Variants in ACADVL observed in about 807,000 individuals in gnomAD.
The protein encoded by ACADVL is acyl-CoA dehydrogenase very long chain.
Under a neutral mutation model 80.4 loss-of-function variants are expected in ACADVL, and 73 were observed. The ratio of observed to expected loss-of-function variants is 0.91; its 90% CI spans 0.75 to 1.10. The LOEUF (loss-of-function observed/expected upper bound fraction) is 1.10, where lower values mean the gene tolerates loss of function less well. ACADVL is among the 50% of genes least tolerant of loss of function. The pLI, the probability that ACADVL is intolerant of heterozygous loss-of-function variation, is 0.00. For missense variants in ACADVL, 878 were observed against 858.9 expected (o/e 1.02, Z -0.28); for synonymous variants, 392 against 326.5 (o/e 1.20, Z -2.16).
chr17:7,224,111 G>A (rs1304263733), intron 14 of ACADVL, 35 bp from the exon 15 acceptor site: 1 of 1,613,612 alleles, frequency 6.2e-7, no homozygotes, highest in South Asian at 1.1e-5. Flanking sequence ...GGGGAGGACA[G>A]TGAGTCCTGA....
upstream of ACADVL, chr17:7,218,918 A>T: frequency 6.4e-7 from 1 of 1,563,000 alleles, no homozygotes; most frequent in African/African-American, 1.4e-5. Flanking sequence ...TCCCCACTAA[A>T]TTCCAGCTGT....
At position 7,222,690 on chromosome 17, in the gene ACADVL, G is replaced by A; in HGVS notation, c.902G>A (p.Gly301Asp). 6.2e-7 allele frequency: 1 copy of A among 1,613,974 alleles called. No homozygotes were observed. The highest frequency in any genetic ancestry group is 1.3e-5 in the African/African-American group (1 of 75,010). Residue 301 changes from glycine to aspartate, a missense_variant, in exon 10 of 20, where the codon GGC becomes GAC. Coordinates refer to ENST00000356839, the MANE Select transcript of ACADVL (RefSeq NM_000018.4). The part of the protein sequence containing the change: ...ITHGPPEKKM[G>D]IKASNTAEVF... Reference sequence around the variant, plus strand: ...AGTGGGCCCCCTGAGAAGAAGATGGGCATCAAGGCTTCAAACACAGCAGAG... The same window carrying A: ...AGTGGGCCCCCTGAGAAGAAGATGGACATCAAGGCTTCAAACACAGCAGAG...
upstream of ACADVL, chr17:7,219,766 T>A: frequency 6.8e-7 from 1 of 1,479,386 alleles, no homozygotes; most frequent in Non-Finnish European, 9.0e-7. Context: ...TTAAGGAGTT[T>A]GGGGGAGACG....
chr17:7,219,983 A>C lies in ACADVL; in HGVS notation c.-2A>C. The C allele has an allele frequency of 6.2e-7, 1 of 1,602,190 alleles. No individual in the cohort carries two copies. On this transcript the variant is annotated 5_prime_UTR_variant, in exon 1 of 20. Coordinates refer to ENST00000356839, the MANE Select transcript of ACADVL (RefSeq NM_000018.4). The stretch of plus-strand genomic sequence containing the variant: ...GCCAGCGGCGCCCGGAGAGATTCGG[A>C]GATGCAGGCGGCTCGGATGGCCGCG...
chr17:7,221,024 G>C lies in ACADVL; in HGVS notation c.443G>C (p.Ser148Thr), dbSNP rs1470817106. The change falls in exon 6 of 20, where the codon AGT (serine) becomes ACT (threonine). Residue 148 changes from serine to threonine, a missense_variant. Physicochemically the swap from Ser to Thr is moderately conservative, Grantham distance 58 (BLOSUM62 1). Transcript: ENST00000356839. ...GGGGCCTTTGGTCTGCAAGTGCCCA[G>C]TGAGCTGGGTGGTGTGGGCCTTTGC... The part of the protein sequence containing the change: ...ELGAFGLQVP[S>T]ELGGVGLCNT... The C allele has an allele frequency of 1.9e-6, 3 of 1,613,892 alleles. No individual in the cohort carries two copies. The highest frequency in any genetic ancestry group is 2.5e-6 in the Non-Finnish European group (3 of 1,179,992).
chr17:7,223,960 T>TGTGCTAGGAACCTGGAGTAGAGC lies in ACADVL; in HGVS notation c.1333-4_1351dup. The TGTGCTAGGAACCTGGAGTAGAGC allele has an allele frequency of 6.2e-7, 1 of 1,613,996 alleles. No individual in the cohort carries two copies. Among genetic ancestry groups the TGTGCTAGGAACCTGGAGTAGAGC allele is most frequent in the Non-Finnish European group, 8.5e-7 (1 of 1,179,986 alleles). On this transcript the variant is annotated splice_polypyrimidine_tract_variant and splice_region_variant and intron_variant, in intron 13 of 19. Transcript: ENST00000356839. ...CACGGGCATATAATTTGTGTGGCCC[T>TGTGCTAGGAACCTGGAGTAGAGC]GTGCTAGGAACCTGGAGTAGAGCGT...
Position 7,224,440 on chromosome 17 carries a change from G to A in ACADVL, c.1606-40G>A, listed in dbSNP as rs754515750. Reference sequence around the variant, plus strand: ...AGAGCCTGCATCAGGGACTGCAGCCGATGGCCCCTCTGAGCCCCGCACTGT... The same window carrying A: ...AGAGCCTGCATCAGGGACTGCAGCCAATGGCCCCTCTGAGCCCCGCACTGT... On this transcript the variant is annotated intron_variant, in intron 16 of 19. Coordinates refer to ENST00000356839, the MANE Select transcript of ACADVL (RefSeq NM_000018.4). 98 of 1,613,660 alleles carry A rather than the reference G, an allele frequency of 6.1e-5. No homozygotes were observed. Among genetic ancestry groups the A allele is most frequent in the Admixed American group, 1.3e-4 (8 of 59,968 alleles).
At position 7,225,159 on chromosome 17, in the gene ACADVL, T is replaced by C. The variant is rs1211206309; in HGVS notation, c.*62T>C. ...TCCCTCAAGCCAAAGCCGAAGCCCC[T>C]TTCCTTAAGGCCCTGGTTTGTCCCG... On this transcript the variant is annotated 3_prime_UTR_variant, in exon 20 of 20. Transcript: ENST00000356839. 5 of 1,610,380 alleles carry C rather than the reference T, an allele frequency of 3.1e-6. No homozygotes were observed. The highest frequency in any genetic ancestry group is 1.3e-5 in the African/African-American group (1 of 74,896).
upstream of ACADVL, chr17:7,217,738 G>A (rs1268782664): frequency 2.6e-6 from 4 of 1,535,164 alleles, no homozygotes; most frequent in African/African-American, 2.7e-5. Context: ...TGGGAAAGGA[G>A]ATAGAAGCAG....
chr17:7,217,923 G>T, upstream of ACADVL: 4 of 1,112,336 alleles, frequency 3.6e-6, no homozygotes, highest in Non-Finnish European at 5.2e-6. Flanking sequence ...GTAGGGGGTC[G>T]GGTGTGAGGG....
chr17:7,218,466 T>C (rs2521985), upstream of ACADVL: 944,063 of 1,458,246 alleles, frequency 0.65, 307,608 homozygotes, highest in African/African-American at 0.8. Flanking sequence ...AAATGATCTC[T>C]GGGCTCCCAA....
rs552403474 is a variant in ACADVL at position 7,221,734 on chromosome 17, C to G, written c.622+52C>G. The G allele has an allele frequency of 6.1e-5, 98 of 1,611,880 alleles. No individual in the cohort carries two copies. The East Asian group carries it at 2.2e-3, about 36-fold the overall frequency. On this transcript the variant is annotated intron_variant, in intron 7 of 19. Transcript: ENST00000356839. The stretch of plus-strand genomic sequence containing the variant: ...ATTGGGGGGCACACTGGGCTTGGCA[C>G]AGATTAGGCCAGTTGGCACTTAGAT...
At chr17:7,221,353 G>T (rs1437265331) in intron 6 of ACADVL, 185 bp from the exon 7 acceptor site, 2 of 1,094,384 alleles carry the variant, frequency 1.8e-6, no homozygotes, top group Non-Finnish European at 2.7e-6. Context: ...AGACAGACCA[G>T]CATTCTCTGC....
rs1567560574 is a variant in ACADVL, at chr17:7,220,461, CA to C, written c.139-2del. On this transcript the variant is annotated splice_acceptor_variant, in intron 2 of 19. Coordinates refer to ENST00000356839, the MANE Select transcript of ACADVL (RefSeq NM_000018.4). LOFTEE classifies it high-confidence loss of function. ...TGAACTTGCTAACCGTCTCTTTTCC[CA>C]GCTGGCTCTGGACAAGTCAGATTCC... The C allele has an allele frequency of 6.2e-7, 1 of 1,614,222 alleles. No individual in the cohort carries two copies.
chr17:7,222,111 C>G, intron 8 of ACADVL, 30 bp downstream of exon 8: 1 of 1,614,174 alleles, frequency 6.2e-7, no homozygotes, highest in Non-Finnish European at 8.5e-7. Flanking sequence ...TCCCCTTCTC[C>G]TCCGCCCAAT....
At chr17:7,223,408 G>A in intron 11 of ACADVL, 171 bp downstream of exon 11, 1 of 814,238 alleles carries the variant, frequency 1.2e-6, no homozygotes. Flanking sequence ...AGACAGCAAT[G>A]ATGTTCTGCT....
At chr17:7,217,922 C>T (rs2071010067), upstream of ACADVL, 14 of 1,137,202 alleles carry the variant, frequency 1.2e-5, no homozygotes, top group Admixed American at 2.1e-5. Flanking sequence ...GGTAGGGGGT[C>T]GGGTGTGAGG....
chr17:7,219,594 C>T, upstream of ACADVL: 1 of 1,165,748 alleles, frequency 8.6e-7, no homozygotes, highest in Non-Finnish European at 1.1e-6. Context: ...ATCTACCTTA[C>T]ACTTCTCTTT....
At position 7,220,510 on chromosome 17, in the gene ACADVL, G is replaced by C. The variant is rs1213143512; in HGVS notation, c.185G>C (p.Arg62Thr). Residue 62 changes from arginine (R) to threonine (T), a missense_variant, in exon 3 of 20, where the codon AGG becomes ACG. Arg to Thr is a moderately conservative substitution (Grantham distance 71). Coordinates refer to ENST00000356839, the MANE Select transcript of ACADVL (RefSeq NM_000018.4). ...SDSHPSDALT[R>T]KKPAKAESKS... ...TCCCACCCCTCTGACGCTCTGACCA[G>C]GAAAAAACCGGCCAAGGCGGTAGGT... is the stretch of plus-strand genomic sequence containing the variant. 1.2e-6 allele frequency: 2 copies of C among 1,614,214 alleles called. No individual in the cohort carries two copies. Among genetic ancestry groups the C allele is most frequent in the Admixed American group, 3.3e-5 (2 of 60,028 alleles).
Sources: allele counts gnomAD v4.1 joint callset, GRCh38; gene constraint gnomAD v4.1.1; transcripts MANE v1.5; gene names NCBI Gene and HGNC (gene_info 2026-07-23, HGNC 2026-07-21).